FLYWCH1: variants seen among roughly 807,000 people sequenced by gnomAD.
FLYWCH1 encodes FLYWCH-type zinc finger-containing protein 1.
Under a neutral mutation model 66.4 loss-of-function variants are expected in FLYWCH1, and 75 were observed. That is an observed-to-expected ratio of 1.13 (90% CI 0.94 to 1.37). FLYWCH1 has a LOEUF of 1.37. FLYWCH1 is among the 40% of genes most tolerant of loss of function. The probability of loss-of-function intolerance (pLI) is 0.00; values close to 1 mark genes in which losing one functional copy is unlikely to be tolerated. For synonymous variants in FLYWCH1, 595 were observed against 429.9 expected (o/e 1.38, Z -4.75); for missense variants, 1,334 against 1,001.8 (o/e 1.33, Z -4.48).
chr16:2,937,775 ATG>A (rs1175889690), intron 7 of FLYWCH1, among the ~76,000 whole-genome samples: 1 of 152,106 alleles, frequency 6.6e-6, no homozygotes, highest in Non-Finnish European at 1.5e-5. Context: ...CCCCAACATC[ATG>A]TGACCTTTTA....
chr16:2,933,264 G>A lies in FLYWCH1; in HGVS notation c.931G>A (p.Gly311Ser), dbSNP rs377595729. Residue 311 changes from glycine to serine, a missense_variant, in exon 5 of 10, where the codon GGC becomes AGC. Transcript: ENST00000253928. Reference sequence around the variant, plus strand: ...GACCTGCCGGGACCACGCGCTGCACGGCTGCCGGAGCCGGGCCATCACCCA... The same window carrying A: ...GACCTGCCGGGACCACGCGCTGCACAGCTGCCGGAGCCGGGCCATCACCCA... ...YWTCRDHALH[G>S]CRSRAITQGQ... is the part of the protein sequence containing the mutation. 106 of 1,613,200 alleles carry A rather than the reference G, an allele frequency of 6.6e-5. No homozygotes were observed. The highest frequency in any genetic ancestry group is 2.2e-4 in the South Asian group (20 of 91,032).
rs373220766 is a variant in FLYWCH1 at position 2,929,762 on chromosome 16, C to T, written c.77C>T (p.Thr26Met). ...CAGGAGCCATCCCCCAAGCCAGGCA[C>T]GGACGTCATCCCGGCAGCCCCCAGG... Reference protein sequence around the residue: ...AGQEPSPKPGTDVIPAAPRKP... With the variant: ...AGQEPSPKPGMDVIPAAPRKP... The change falls in exon 3 of 10, where the codon ACG (threonine) becomes ATG (methionine). Residue 26 changes from threonine (T) to methionine (M), a missense_variant. Physicochemically the swap from Thr to Met is moderately conservative, Grantham distance 81. Transcript: ENST00000253928. 82 of 1,613,826 alleles carry T rather than the reference C, an allele frequency of 5.1e-5. No individual in the cohort carries two copies. Among genetic ancestry groups the T allele is most frequent in the Non-Finnish European group, 6.2e-5 (73 of 1,179,838 alleles).
intron 6 of FLYWCH1, chr16:2,934,519 A>C: frequency 2.5e-6 from 1 of 398,818 alleles, no homozygotes; most frequent in East Asian, 7.5e-5. Flanking sequence ...TTTTGACTTC[A>C]CAACCACAGT....
intron 2 of FLYWCH1, among the ~76,000 whole-genome samples, chr16:2,921,785 C>T (rs969129927): frequency 2.0e-5 from 3 of 151,982 alleles, no homozygotes; most frequent in South Asian, 4.2e-4. Context: ...TCATTCTGGC[C>T]GGGTGTGGTG....
intron 7 of FLYWCH1, among the ~76,000 whole-genome samples, chr16:2,937,860 CCAGCCCAGAAAGGCT>C (rs1387230574): frequency 7.2e-5 from 11 of 152,166 alleles, no homozygotes; most frequent in African/African-American, 2.7e-4. Context: ...GCCCTGGTGC[CCAGCCCAGAAAGGCT>C]CAGCCCCTGC....
chr16:2,950,055 A>T lies in FLYWCH1; in HGVS notation c.*1328A>T, dbSNP rs1477691474. On this transcript the variant is annotated 3_prime_UTR_variant, in exon 10 of 10. Transcript: ENST00000253928. ...CCTGTGGCCTCTCCCAGGCCCGGAT[A>T]TGGCAGGACATTTGCGTCGTGTTGC... The T allele has an allele frequency of 6.6e-6, 1 of 152,206 alleles. No homozygotes were observed. The highest frequency in any genetic ancestry group is 2.4e-5 in the African/African-American group (1 of 41,416). 9.4% of individuals were successfully genotyped at this position (152,206 alleles called of 1,614,324 possible). A position where few individuals can be genotyped will look rare whatever the true frequency, so the allele number is the denominator to read the frequency against.
chr16:2,917,449 G>A (rs960147874), intron 2 of FLYWCH1, among the ~76,000 whole-genome samples: 1 of 151,598 alleles, frequency 6.6e-6, no homozygotes, highest in Non-Finnish European at 1.5e-5. Context: ...GGCTGGTTTC[G>A]AACTCCTGAC....
At chr16:2,931,390 G>A (rs1185583973) in intron 4 of FLYWCH1, among the ~76,000 whole-genome samples, 2 of 152,000 alleles carry the variant, frequency 1.3e-5, no homozygotes, top group African/African-American at 4.8e-5. Flanking sequence ...TTGGGAGGCT[G>A]GGGCAGGAGG....
chr16:2,932,095 G>A (rs541631792), intron 4 of FLYWCH1, among the ~76,000 whole-genome samples: 1 of 125,898 alleles, frequency 7.9e-6, no homozygotes, highest in South Asian at 2.5e-4. Context: ...TCCAGCCTGG[G>A]CAAAAGAGCA....
Position 2,930,888 on chromosome 16 carries a change from C to G in FLYWCH1, c.796+8C>G. On this transcript the variant is annotated splice_region_variant and intron_variant, in intron 4 of 9. Coordinates refer to ENST00000253928, the MANE Select transcript of FLYWCH1 (RefSeq NM_001308068.2). ...GCTCGATCCTGGGGCTGGGTGAGTA[C>G]AATCCACTCCCCTGCTGCGTCCACT... The G allele has an allele frequency of 6.3e-7, 1 of 1,576,084 alleles. No homozygotes were observed. The highest frequency in any genetic ancestry group is 8.6e-7 in the Non-Finnish European group (1 of 1,166,472).
At chr16:2,939,760 A>G in intron 8 of FLYWCH1, 1 of 376,850 alleles carries the variant, frequency 2.7e-6, no homozygotes, top group Non-Finnish European at 4.8e-6. Flanking sequence ...GCTTACAGAG[A>G]AAGTTGTGCT....
chr16:2,922,125 C>A (rs200982991), intron 2 of FLYWCH1, among the ~76,000 whole-genome samples: 1 of 151,980 alleles, frequency 6.6e-6, no homozygotes, highest in Admixed American at 6.6e-5. Context: ...TGAATCATGG[C>A]GGGATAACTT....
Position 2,929,611 on chromosome 16 carries a change from A to G in FLYWCH1, c.-73-2A>G. On this transcript the variant is annotated splice_acceptor_variant, in intron 2 of 9. Coordinates refer to ENST00000253928, the MANE Select transcript of FLYWCH1 (RefSeq NM_001308068.2). LOFTEE classifies it low-confidence loss of function (5UTR_SPLICE). Reference sequence around the variant, plus strand: ...CTGACGGGATTTTGCTTCCTTCCTTAGGACGGAACCACTGCACTCCAGGTT... The same window carrying G: ...CTGACGGGATTTTGCTTCCTTCCTTGGGACGGAACCACTGCACTCCAGGTT... The G allele has an allele frequency of 3.3e-6, 5 of 1,498,686 alleles. No homozygotes were observed. The highest frequency in any genetic ancestry group is 4.5e-6 in the Non-Finnish European group (5 of 1,121,278). The allele number at this position is 1,498,686 out of a possible 1,614,324, so 92.8% of individuals were successfully genotyped here. A position where few individuals can be genotyped will look rare whatever the true frequency, so the allele number is the denominator to read the frequency against.
In FLYWCH1 at chr16:2,950,723, T is replaced by C. The variant is rs991019074; in HGVS notation, c.*1996T>C. ...TCTTCCCTTTTGGATATTTGCGTCA[T>C]TGACCGGGACTGGCCCACTCTTCCT... is the stretch of plus-strand genomic sequence containing the variant. On this transcript the variant is annotated 3_prime_UTR_variant, in exon 10 of 10. Transcript: ENST00000253928. 2 of 152,326 alleles carry C rather than the reference T, an allele frequency of 1.3e-5. No individual in the cohort carries two copies. Among genetic ancestry groups the C allele is most frequent in the Admixed American group, 6.5e-5 (1 of 15,290 alleles). 9.4% of individuals were successfully genotyped at this position (152,326 alleles called of 1,614,324 possible).
In FLYWCH1 at chr16:2,937,371, G is replaced by C; in HGVS notation, c.1764G>C (p.Gln588His). 1.3e-6 allele frequency: 2 copies of C among 1,575,090 alleles called. No individual in the cohort carries two copies. The highest frequency in any genetic ancestry group is 1.7e-6 in the Non-Finnish European group (2 of 1,162,382). ...RQREHFPNLA[Q>H]WDSPDPLRPL... Reference sequence around the variant, plus strand: ...GGGAGCACTTCCCCAACCTGGCGCAGTGGGACAGCCCAGGTGCGTGTGGAG... The same window carrying C: ...GGGAGCACTTCCCCAACCTGGCGCACTGGGACAGCCCAGGTGCGTGTGGAG... Residue 588 changes from glutamine to histidine, a missense_variant, in exon 7 of 10, where the codon CAG becomes CAC. Gln to His is a conservative substitution (Grantham distance 24). Transcript: ENST00000253928.
intron 2 of FLYWCH1, among the ~76,000 whole-genome samples, chr16:2,919,238 T>A (rs2070281831): frequency 6.6e-6 from 1 of 150,962 alleles, no homozygotes; most frequent in African/African-American, 2.4e-5. Flanking sequence ...TATATGCGTG[T>A]ATATTTATTC....
chr16:2,930,571 G>C lies in FLYWCH1; in HGVS notation c.487G>C (p.Gly163Arg), dbSNP rs1160804545. 6.4e-7 allele frequency: 1 copy of C among 1,556,022 alleles called. No homozygotes were observed. Among genetic ancestry groups the C allele is most frequent in the Non-Finnish European group, 8.7e-7 (1 of 1,152,390 alleles). Residue 163 changes from glycine (G) to arginine (R), a missense_variant, in exon 4 of 10, where the codon GGC (glycine) becomes CGC (arginine). By Grantham distance (125) the Gly-to-Arg change is moderately radical (BLOSUM62 -2). Transcript: ENST00000253928. ...LGCRGRAITRGLRATVMRGHC... is the reference protein window; with the variant it reads ...LGCRGRAITRRLRATVMRGHC... Reference sequence around the variant, plus strand: ...CTGCCGGGGCCGGGCCATCACCCGAGGCCTGCGGGCCACAGTGATGCGGGG... The same window carrying C: ...CTGCCGGGGCCGGGCCATCACCCGACGCCTGCGGGCCACAGTGATGCGGGG...
intron 2 of FLYWCH1, among the ~76,000 whole-genome samples, chr16:2,914,523 A>G (rs201573854): frequency 6.6e-6 from 1 of 152,208 alleles, no homozygotes; most frequent in East Asian, 1.9e-4. Flanking sequence ...GAGAGAGGAC[A>G]GGAGAGTGAT....
intron 9 of FLYWCH1, 56 bp from the exon 10 acceptor site, chr16:2,948,632 A>T (rs1406178995): frequency 8.3e-6 from 13 of 1,563,568 alleles, no homozygotes; most frequent in Non-Finnish European, 1.1e-5. Context: ...TTTCTGTGTT[A>T]TCTATTTCCA....
Sources: gnomAD v4.1 joint callset for allele counts (sites outside exome capture counted in the v4.1 genomes callset) on GRCh38, gnomAD v4.1.1 for gene constraint, MANE v1.5 for transcripts, NCBI Gene and HGNC (gene_info 2026-07-23, HGNC 2026-07-21) for gene names.